CORO7: variants seen among roughly 807,000 people sequenced by gnomAD.
The protein encoded by CORO7 is coronin-7.
In CORO7, 107 loss-of-function variants were observed where a neutral mutation model predicts 126.6. The observed-to-expected ratio is 0.85, with a 90% confidence interval of 0.72 to 0.99. The LOEUF (loss-of-function observed/expected upper bound fraction) is 0.99, where lower values mean the gene tolerates loss of function less well. Ranked by LOEUF, CORO7 falls within the 50% of genes least tolerant of loss-of-function variation. The pLI is 0.00. For synonymous variants in CORO7, 603 were observed against 536.8 expected (o/e 1.12, Z -1.70); for missense variants, 1,314 against 1,255.8 (o/e 1.05, Z -0.70).
intron 27 of CORO7, 60 bp downstream of exon 27, chr16:4,355,226 A>G: frequency 6.2e-7 from 1 of 1,603,648 alleles, no homozygotes; most frequent in South Asian, 1.1e-5. Context: ...GGAGGCATGC[A>G]CCGTGGCATG....
intron 26 of CORO7, among the ~76,000 whole-genome samples, chr16:4,356,010 A>G (rs994886863): frequency 2.0e-5 from 3 of 150,776 alleles, no homozygotes; most frequent in African/African-American, 4.9e-5. Context: ...CTGGAGTGCA[A>G]TGGCACAATC....
chr16:4,383,727 G>A (rs1290739240), intron 9 of CORO7, among the ~76,000 whole-genome samples: 1 of 152,232 alleles, frequency 6.6e-6, no homozygotes, highest in African/African-American at 2.4e-5. Flanking sequence ...CTCTGGCCTC[G>A]GACAAGAACG....
chr16:4,393,958 G>A (rs142015622), intron 7 of CORO7, among the ~76,000 whole-genome samples: 7 of 151,974 alleles, frequency 4.6e-5, no homozygotes, highest in African/African-American at 9.7e-5. Flanking sequence ...AAAATTAGCC[G>A]GGCATGGTGG....
At chr16:4,393,534 T>C (rs1386988930) in intron 7 of CORO7, among the ~76,000 whole-genome samples, 2 of 152,208 alleles carry the variant, frequency 1.3e-5, no homozygotes, top group East Asian at 3.8e-4. Context: ...CCGTTTGGAC[T>C]AAAAAGCTGC....
Position 4,362,918 on chromosome 16 carries a change from G to T in CORO7, c.1276-180C>A. On this transcript the variant is annotated intron_variant, in intron 14 of 27. Coordinates refer to ENST00000251166, the MANE Select transcript of CORO7 (RefSeq NM_024535.5). This position sits in a 1 kb window ranked among gnomAD's most constrained non-coding sequence, Gnocchi z 5.3. ...ATAAACGCAGACACACAGGGAAGCA[G>T]CCGAGCTTCAGACCGCGGGGACAGC... 2.9e-6 allele frequency: 2 copies of T among 701,686 alleles called. No individual in the cohort carries two copies. Among genetic ancestry groups the T allele is most frequent in the Non-Finnish European group, 4.0e-6 (2 of 502,538 alleles). 43.5% of individuals were successfully genotyped at this position (701,686 alleles called of 1,614,324 possible). A position where few individuals can be genotyped will look rare whatever the true frequency, so the allele number is the denominator to read the frequency against.
intron 7 of CORO7, among the ~76,000 whole-genome samples, chr16:4,392,552 C>G (rs983864781): frequency 6.6e-6 from 1 of 152,310 alleles, no homozygotes; most frequent in Admixed American, 6.5e-5. Context: ...CTCTGGGCTC[C>G]GGGATAGCAC....
At chr16:4,398,365 A>T (rs918321514) in intron 6 of CORO7, among the ~76,000 whole-genome samples, 3 of 152,336 alleles carry the variant, frequency 2.0e-5, no homozygotes, top group East Asian at 3.8e-4. Flanking sequence ...TTACATTTTT[A>T]AAAATAGCAA....
chr16:4,407,786 C>T, intron 4 of CORO7, 102 bp from the exon 5 acceptor site: 2 of 1,385,808 alleles, frequency 1.4e-6, no homozygotes, highest in Non-Finnish European at 9.6e-7. Context: ...CTAGGCTGCT[C>T]CAGGAGACCA....
chr16:4,361,962 C>T, intron 16 of CORO7, 23 bp downstream of exon 16: 1 of 1,585,122 alleles, frequency 6.3e-7, no homozygotes, highest in Non-Finnish European at 8.6e-7. Context: ...TGAGGGGCAG[C>T]CCTGGTGGGG....
chr16:4,366,215 GC>G (rs2054342129), intron 9 of CORO7, among the ~76,000 whole-genome samples: 1 of 152,224 alleles, frequency 6.6e-6, no homozygotes, highest in South Asian at 2.1e-4. Flanking sequence ...GGCCGAGCCT[GC>G]CAGCAGCATG....
Position 4,388,535 on chromosome 16 carries a change from A to C in CORO7, c.702+10T>G, listed in dbSNP as rs760239075. 1 of 1,610,798 alleles carries C rather than the reference A, an allele frequency of 6.2e-7. No individual in the cohort carries two copies. The highest frequency in any genetic ancestry group is 8.5e-7 in the Non-Finnish European group (1 of 1,179,098). The stretch of plus-strand genomic sequence containing the variant: ...GGCCGTGCCCTGCTCCTCCAGGAGG[A>C]ACCCCCTACCTGGTTGAATCCAGTA... On this transcript the variant is annotated intron_variant, in intron 8 of 27. Coordinates refer to ENST00000251166, the MANE Select transcript of CORO7 (RefSeq NM_024535.5).
intron 23 of CORO7, 52 bp from the exon 24 acceptor site, chr16:4,358,535 G>A (rs756372541): frequency 3.3e-6 from 5 of 1,511,750 alleles, no homozygotes; most frequent in Non-Finnish European, 4.4e-6. Flanking sequence ...GCTCATGGCT[G>A]GGCACGTAGT....
intron 9 of CORO7, among the ~76,000 whole-genome samples, chr16:4,368,042 A>AAAAAATT (rs1486564735): frequency 6.6e-6 from 1 of 152,070 alleles, no homozygotes; most frequent in Non-Finnish European, 1.5e-5. Flanking sequence ...ATGGCTCTTC[A>AAAAAATT]AAAAATTAAA....
In CORO7 at chr16:4,363,393, C is replaced by T. The variant is rs557810605; in HGVS notation, c.1276-655G>A. Among the ~76,000 whole-genome samples the T allele has an allele frequency of 1.1e-4, 17 of 151,184 alleles. No individual in the cohort carries two copies. In the South Asian group the frequency reaches 3.3e-3, roughly 30 times the overall value. On this transcript the variant is annotated intron_variant, in intron 14 of 27. Coordinates refer to ENST00000251166, the MANE Select transcript of CORO7 (RefSeq NM_024535.5). ...CAGCCTGGCCAACATGGTGAAAACC[C>T]GTCTCTACTAAAGATACTAAAGATA...
chr16:4,368,650 A>C (rs549831649), intron 9 of CORO7, among the ~76,000 whole-genome samples: 26 of 151,268 alleles, frequency 1.7e-4, no homozygotes, highest in Non-Finnish European at 2.9e-4. Flanking sequence ...CAGGAGGCTG[A>C]GGCAGGAGAA....
chr16:4,402,643 T>C (rs2055853252), intron 6 of CORO7, among the ~76,000 whole-genome samples: 1 of 152,106 alleles, frequency 6.6e-6, no homozygotes, highest in African/African-American at 2.4e-5. Context: ...ACACACTCCA[T>C]GAGGGCAGCT....
At position 4,357,999 on chromosome 16, in the gene CORO7, A is replaced by C. The variant is rs1412484711; in HGVS notation, c.2562T>G (p.Leu854=). Residue 854 remains leucine (L), a synonymous_variant, in exon 25 of 28, where the codon CTT becomes CTG. Coordinates refer to ENST00000251166, the MANE Select transcript of CORO7 (RefSeq NM_024535.5). Reference sequence around the variant, plus strand: ...TCATGTCAGGAGGCTGCAGGCTGAGAAGCCAGGGCTGCCCATTAGCGCCTT... The same window carrying C: ...TCATGTCAGGAGGCTGCAGGCTGAGCAGCCAGGGCTGCCCATTAGCGCCTT... ...WLQGANGQPW[L]LSLQPPDMSP... The C allele has an allele frequency of 6.2e-7, 1 of 1,609,662 alleles. No individual in the cohort carries two copies. Among genetic ancestry groups the C allele is most frequent in the South Asian group, 1.1e-5 (1 of 90,988 alleles).
intron 5 of CORO7, among the ~76,000 whole-genome samples, 181 bp downstream of exon 5, chr16:4,407,320 G>C (rs1027700317): frequency 1.3e-5 from 2 of 152,062 alleles, no homozygotes; most frequent in Non-Finnish European, 2.9e-5. Flanking sequence ...GATGGCTACG[G>C]AGAGCAAAGA....
chr16:4,408,150 T>A (rs1438345955), intron 4 of CORO7, 31 bp downstream of exon 4: 1 of 1,613,890 alleles, frequency 6.2e-7, no homozygotes, highest in South Asian at 1.1e-5. Flanking sequence ...GGCTGGGACA[T>A]AGAGCAGCTC....
Sources: allele counts gnomAD v4.1 joint callset (sites outside exome capture counted in the v4.1 genomes callset), GRCh38; gene constraint gnomAD v4.1.1; non-coding constraint Gnocchi (gnomAD v3.1); transcripts MANE v1.5; gene names NCBI Gene and HGNC (gene_info 2026-07-23, HGNC 2026-07-21).